Variants in NUF2 observed in about 807,000 individuals in gnomAD.
NUF2 encodes kinetochore protein Nuf2.
Under a neutral mutation model 61.8 loss-of-function variants are expected in NUF2, and 34 were observed. The observed-to-expected ratio is 0.55, with a 90% CI of 0.42 to 0.73. The LOEUF (loss-of-function observed/expected upper bound fraction) is 0.73, where lower values mean the gene tolerates loss of function less well. NUF2 is among the 30% of genes least tolerant of loss of function. The pLI is 0.00. For synonymous variants in NUF2, 172 were observed against 181.6 expected (o/e 0.95, Z 0.42); for missense variants, 445 against 539.1 (o/e 0.83, Z 1.73).
Position 163,331,217 on chromosome 1 carries a change from C to A in NUF2, c.337+2310C>A, listed in dbSNP as rs1650589219. The stretch of plus-strand genomic sequence containing the variant: ...AGAATGTACAACTTTTACTTTATTT[C>A]ACTGAGAGTTTTTATCATGAAGGGT... On this transcript the variant is annotated intron_variant, in intron 5 of 13. Transcript: ENST00000271452. Among the ~76,000 whole-genome samples the A allele has an allele frequency of 2.6e-5, 4 of 151,848 alleles. No homozygotes were observed. The South Asian group carries it at 8.3e-4, about 31-fold the overall frequency.
intron 9 of NUF2, among the ~76,000 whole-genome samples, chr1:163,340,751 T>C (rs1285208105): frequency 6.6e-6 from 1 of 152,146 alleles, no homozygotes; most frequent in Non-Finnish European, 1.5e-5. Flanking sequence ...TGCTTTTTTC[T>C]CCACTTAGCG....
In NUF2 at chr1:163,350,363, A is replaced by G. The variant is rs775378981; in HGVS notation, c.1260+1283A>G. Among the ~76,000 whole-genome samples the G allele has an allele frequency of 3.9e-5, 6 of 152,108 alleles. 1 individual carries two copies. The highest frequency in any genetic ancestry group is 5.9e-5 in the Non-Finnish European group (4 of 68,004). ...CCTGCTTCTTAACCGAATCAAATCA[A>G]TAAATATTTATGTGTTACTACATGG... is the stretch of plus-strand genomic sequence containing the variant. On this transcript the variant is annotated intron_variant, in intron 13 of 13. Transcript: ENST00000271452.
intron 5 of NUF2, among the ~76,000 whole-genome samples, chr1:163,335,392 C>T (rs775266162): frequency 1.6e-4 from 24 of 152,068 alleles, no homozygotes; most frequent in Non-Finnish European, 3.4e-4. Flanking sequence ...ATATATTGCT[C>T]CATTGTCTTC....
intron 5 of NUF2, among the ~76,000 whole-genome samples, chr1:163,335,737 A>T (rs1650737349): frequency 6.6e-6 from 1 of 152,134 alleles, no homozygotes; most frequent in South Asian, 2.1e-4. Context: ...ATTACACATT[A>T]GTTATGCTGT....
rs1410090236 is a variant in NUF2 at position 163,355,721 on chromosome 1, A to G, written c.*252A>G. 4.2e-6 allele frequency: 1 copy of G among 236,218 alleles called. No individual in the cohort carries two copies. The highest frequency in any genetic ancestry group is 5.5e-5 in the Admixed American group (1 of 18,074). 14.6% of individuals were successfully genotyped at this position (236,218 alleles called of 1,614,324 possible). On this transcript the variant is annotated 3_prime_UTR_variant, in exon 14 of 14. Transcript: ENST00000271452. ...TTGTAAATAGTTTGAGTAAAACAAA[A>G]CTAGTTACCTTTGAAATATATATAT...
chr1:163,347,300 T>A (rs543298683), intron 11 of NUF2, among the ~76,000 whole-genome samples: 1 of 152,364 alleles, frequency 6.6e-6, no homozygotes, highest in African/African-American at 2.4e-5. Flanking sequence ...TGATAAACAA[T>A]TTCTTTTTTG....
intron 5 of NUF2, among the ~76,000 whole-genome samples, chr1:163,333,520 A>C (rs1650664208): frequency 6.6e-6 from 1 of 151,900 alleles, no homozygotes; most frequent in African/African-American, 2.4e-5. Context: ...CTATTAAAAT[A>C]AATTTTATTT....
At chr1:163,328,993 AG>A in intron 5 of NUF2, 86 bp downstream of exon 5, 22 of 675,680 alleles carry the variant, frequency 3.3e-5, no homozygotes, top group Non-Finnish European at 4.6e-5. Flanking sequence ...AAAAAAAAAA[AG>A]GAAAAAAACA....
At position 163,348,877 on chromosome 1, in the gene NUF2, C is replaced by T. The variant is rs1250841361; in HGVS notation, c.1125-68C>T. On this transcript the variant is annotated intron_variant, in intron 12 of 13. Transcript: ENST00000271452. ...ACACATGGTCACTTTGGAATCAAAA[C>T]TAGAATTGTGTTTGCCTTTTTAGTT... The T allele has an allele frequency of 2.6e-6, 4 of 1,530,452 alleles. No homozygotes were observed. In the African/African-American group the frequency reaches 4.2e-5, roughly 16 times the overall value. 94.8% of individuals were successfully genotyped at this position (1,530,452 alleles called of 1,614,324 possible).
chr1:163,348,000 T>C, intron 12 of NUF2, 62 bp downstream of exon 12: 1 of 1,235,492 alleles, frequency 8.1e-7, no homozygotes, highest in Non-Finnish European at 1.1e-6. Flanking sequence ...AATACATTTT[T>C]CCCCCAGGAT....
intron 1 of NUF2, among the ~76,000 whole-genome samples, chr1:163,324,513 T>TAA (rs11421867): frequency 6.6e-6 from 1 of 151,946 alleles, no homozygotes; most frequent in South Asian, 2.1e-4. Context: ...CCTAAAATTC[T>TAA]AAAAAAATTA....
At chr1:163,349,197 AATT>A in intron 13 of NUF2, 117 bp downstream of exon 13, 1 of 767,524 alleles carries the variant, frequency 1.3e-6, no homozygotes, top group East Asian at 2.8e-5. Flanking sequence ...TGATACCTAA[AATT>A]ATTTACTCTT....
At chr1:163,328,327 G>A in intron 4 of NUF2, 23 bp downstream of exon 4, 1 of 1,429,816 alleles carries the variant, frequency 7.0e-7, no homozygotes. Context: ...TGATTTTATT[G>A]TCTTCGTCTA....
chr1:163,336,176 G>A (rs1388342908), intron 5 of NUF2, among the ~76,000 whole-genome samples: 1 of 151,980 alleles, frequency 6.6e-6, no homozygotes, highest in Non-Finnish European at 1.5e-5. Flanking sequence ...TACCTTGTTG[G>A]TTAACTGAGA....
chr1:163,347,297 C>G (rs998550305), intron 11 of NUF2, among the ~76,000 whole-genome samples: 19 of 152,208 alleles, frequency 1.2e-4, no homozygotes, highest in African/African-American at 4.6e-4. Context: ...ATTTGATAAA[C>G]AATTTCTTTT....
chr1:163,328,366 C>G (rs1650495221), intron 4 of NUF2, 62 bp downstream of exon 4: 1 of 1,036,950 alleles, frequency 9.6e-7, no homozygotes, highest in Admixed American at 2.1e-5. Flanking sequence ...ATTAAGTTTT[C>G]TTAATGACAT....
Position 163,326,082 on chromosome 1 carries a change from G to A in NUF2, c.31G>A (p.Val11Ile). Residue 11 changes from valine (V) to isoleucine (I), a missense_variant, in exon 2 of 14, where the codon GTA (valine) becomes ATA (isoleucine). Coordinates refer to ENST00000271452, the MANE Select transcript of NUF2 (RefSeq NM_145697.3). METLSFPRYN[V>I]AEIVIHIRNK... ...AACTTTGTCTTTCCCCAGATATAAT[G>A]TAGCTGAGATTGTGATTCATATTCG... 1 of 1,612,386 alleles carries A rather than the reference G, an allele frequency of 6.2e-7. No individual in the cohort carries two copies.
intron 10 of NUF2, among the ~76,000 whole-genome samples, chr1:163,344,386 C>T (rs183938794): frequency 6.6e-6 from 1 of 151,238 alleles, no homozygotes; most frequent in East Asian, 2.0e-4. Context: ...ATAAGGGGAG[C>T]CCAGTTTAGT....
At chr1:163,348,821 T>C in intron 12 of NUF2, 124 bp from the exon 13 acceptor site, 1 of 1,009,550 alleles carries the variant, frequency 9.9e-7, no homozygotes, top group South Asian at 1.6e-5. Context: ...CTTTTATATC[T>C]TGAGAAGAGT....
Sources: allele counts gnomAD v4.1 joint callset (sites outside exome capture counted in the v4.1 genomes callset), GRCh38; gene constraint gnomAD v4.1.1; transcripts MANE v1.5; gene names NCBI Gene and HGNC (gene_info 2026-07-23, HGNC 2026-07-21).